The following EFCAB6 variants were observed in gnomAD, a reference collection of about 807,000 sequenced individuals.
EFCAB6 encodes EF-hand calcium-binding domain-containing protein 6.
Under a neutral mutation model 169.8 loss-of-function variants are expected in EFCAB6, and 156 were observed. The ratio of observed to expected loss-of-function variants is 0.92; its 90% CI spans 0.81 to 1.05. The LOEUF (loss-of-function observed/expected upper bound fraction) is 1.05. Among genes scored for constraint, EFCAB6 ranks in the 50% least tolerant of loss-of-function variants. The pLI is 0.00. For missense variants in EFCAB6, 1,800 were observed against 1,829.1 expected (o/e 0.98, Z 0.29); for synonymous variants, 698 against 676.4 (o/e 1.03, Z -0.50).
rs189920237 is a variant in EFCAB6 at position 43,635,221 on chromosome 22, C to T, written c.1984-5G>A. On this transcript the variant is annotated splice_region_variant and splice_polypyrimidine_tract_variant and intron_variant, in intron 17 of 31. Coordinates refer to ENST00000262726, the MANE Select transcript of EFCAB6 (RefSeq NM_022785.4). ...CATCCCAGTGTCTTCCAGTACCTGA[C>T]GAGGGAGACAGGGGAGGGTGGAGAG... 5.2e-5 allele frequency: 84 copies of T among 1,609,852 alleles called. 1 individual carries two copies. Among genetic ancestry groups the T allele is most frequent in the South Asian group, 4.5e-4 (41 of 90,976 alleles).
chr22:43,560,588 T>C (rs1038222939), intron 26 of EFCAB6, among the ~76,000 whole-genome samples: 2 of 152,230 alleles, frequency 1.3e-5, no homozygotes, highest in African/African-American at 2.4e-5. Context: ...GGCTGGGACA[T>C]GGCCCTGGTT....
chr22:43,590,113 C>T lies in EFCAB6; in HGVS notation c.2993G>A (p.Cys998Tyr), dbSNP rs781730092. The change falls in exon 24 of 32, where the codon TGT becomes TAT. Residue 998 changes from cysteine to tyrosine, a missense_variant. Coordinates refer to ENST00000262726, the MANE Select transcript of EFCAB6 (RefSeq NM_022785.4). Reference sequence around the variant, plus strand: ...GGTCAGCTCCCCTTCGGTAAGAGAACATCCACATTCTTCCAGCACTTCCTG... The same window carrying T: ...GGTCAGCTCCCCTTCGGTAAGAGAATATCCACATTCTTCCAGCACTTCCTG... ...KMQEVLEECG[C>Y]SLTEGELTHL... The T allele has an allele frequency of 4.3e-6, 7 of 1,614,052 alleles. No individual in the cohort carries two copies. Among genetic ancestry groups the T allele is most frequent in the Non-Finnish European group, 5.9e-6 (7 of 1,180,022 alleles).
intron 17 of EFCAB6, among the ~76,000 whole-genome samples, chr22:43,660,843 G>A (rs1326860258): frequency 1.3e-5 from 2 of 152,188 alleles, no homozygotes; most frequent in African/African-American, 4.8e-5. Flanking sequence ...CTGATGACAT[G>A]CTGCACTGGC....
chr22:43,528,966 G>A lies in EFCAB6; in HGVS notation c.4393C>T (p.Gln1465Ter). 1 of 1,582,720 alleles carries A rather than the reference G, an allele frequency of 6.3e-7. No homozygotes were observed. Among genetic ancestry groups the A allele is most frequent in the Non-Finnish European group, 8.7e-7 (1 of 1,154,920 alleles). Residue 1465 changes from glutamine (Q) to a stop codon, truncating the protein, a stop_gained, in exon 32 of 32, where the codon CAG becomes TAG. Coordinates refer to ENST00000262726, the MANE Select transcript of EFCAB6 (RefSeq NM_022785.4). LOFTEE classifies it high-confidence loss of function. ...SVADFRTVLR[Q>*]YSINLSEEEF... ...TCCTCAGAGAGGTTGATGCTGTACT[G>A]TCTCAGGACCTGGAAGACAGAGAAA... is the stretch of plus-strand genomic sequence containing the variant.
intron 26 of EFCAB6, among the ~76,000 whole-genome samples, chr22:43,559,527 A>G (rs1271779690): frequency 1.3e-5 from 2 of 152,238 alleles, no homozygotes; most frequent in Non-Finnish European, 2.9e-5. Flanking sequence ...TACCCAAAGG[A>G]TTATAAATGA....
intron 4 of EFCAB6, among the ~76,000 whole-genome samples, chr22:43,771,149 G>A (rs2061456042): frequency 2.0e-5 from 3 of 152,304 alleles, no homozygotes; most frequent in African/African-American, 4.8e-5. Context: ...TAATGAATGA[G>A]GCCAGGCACG....
intron 1 of EFCAB6, among the ~76,000 whole-genome samples, chr22:43,810,391 A>C (rs2063072056): frequency 6.6e-6 from 1 of 152,238 alleles, no homozygotes; most frequent in Non-Finnish European, 1.5e-5. Flanking sequence ...AATAGCAGTG[A>C]AAGATCAAAA....
chr22:43,806,347 C>G (rs1488107738), intron 2 of EFCAB6, among the ~76,000 whole-genome samples: 1 of 151,728 alleles, frequency 6.6e-6, no homozygotes, highest in Non-Finnish European at 1.5e-5. Flanking sequence ...CTTCAGGGCT[C>G]AAGTGATCCT....
chr22:43,680,154 C>T (rs1173897355), intron 12 of EFCAB6, among the ~76,000 whole-genome samples: 1 of 152,124 alleles, frequency 6.6e-6, no homozygotes, highest in African/African-American at 2.4e-5. Flanking sequence ...AGGTAAGGGA[C>T]TGAATTCATC....
intron 4 of EFCAB6, among the ~76,000 whole-genome samples, chr22:43,771,617 G>GACTCCT (rs2061473888): frequency 6.6e-6 from 1 of 151,974 alleles, no homozygotes; most frequent in African/African-American, 2.4e-5. Context: ...GAAAGGGTTT[G>GACTCCT]ACTCCTACTG....
At chr22:43,573,053 C>T (rs772324649) in intron 26 of EFCAB6, among the ~76,000 whole-genome samples, 6 of 152,194 alleles carry the variant, frequency 3.9e-5, no homozygotes, top group South Asian at 4.1e-4. Flanking sequence ...GTGAGGCCAG[C>T]GGAGCTGGAA....
At chr22:43,665,008 A>G (rs903395143) in intron 17 of EFCAB6, among the ~76,000 whole-genome samples, 1 of 152,186 alleles carries the variant, frequency 6.6e-6, no homozygotes, top group African/African-American at 2.4e-5. Flanking sequence ...GGGAGCCAAC[A>G]GGCTTTGTTG....
chr22:43,780,966 G>A (rs773152684), intron 3 of EFCAB6, among the ~76,000 whole-genome samples: 118 of 152,288 alleles, frequency 7.7e-4, no homozygotes, highest in Middle Eastern at 3.4e-3. Flanking sequence ...TTGTAAGTGC[G>A]TCTTACGGCA....
At chr22:43,788,149 A>T (rs1330438206) in intron 2 of EFCAB6, among the ~76,000 whole-genome samples, 2 of 152,230 alleles carry the variant, frequency 1.3e-5, no homozygotes, top group Non-Finnish European at 2.9e-5. Context: ...CATAGGTATA[A>T]ATCTTTGTGA....
rs375600118 is a variant in EFCAB6 at position 43,782,201 on chromosome 22, T to C, written c.118A>G (p.Asn40Asp). The part of the protein sequence containing the change: ...CRVYSRNGSP[N>D]KFRSSSTTAV... ...TTACTTGAAGAAGATCTGAACTTAT[T>C]TGGGGAACCATTCCTTGAATATACT... is the stretch of plus-strand genomic sequence containing the variant. Residue 40 changes from asparagine to aspartate, a missense_variant, in exon 3 of 32, where the codon AAT (asparagine) becomes GAT (aspartate). By Grantham distance (23) the Asn-to-Asp change is conservative. Transcript: ENST00000262726. The C allele has an allele frequency of 2.5e-6, 4 of 1,612,318 alleles. No individual in the cohort carries two copies. In the South Asian group the frequency reaches 4.4e-5, roughly 18 times the overall value.
chr22:43,635,947 T>C (rs2055359157), intron 17 of EFCAB6, among the ~76,000 whole-genome samples: 1 of 152,138 alleles, frequency 6.6e-6, no homozygotes, highest in Non-Finnish European at 1.5e-5. Flanking sequence ...GCTGCCTGCG[T>C]GGATGTGAGC....
At chr22:43,588,077 A>C (rs1241774247) in intron 24 of EFCAB6, among the ~76,000 whole-genome samples, 1 of 152,208 alleles carries the variant, frequency 6.6e-6, no homozygotes, top group Non-Finnish European at 1.5e-5. Flanking sequence ...TGGCAAGTCT[A>C]TTCTCTGGTA....
At chr22:43,529,298 C>T (rs1400807776) in intron 31 of EFCAB6, among the ~76,000 whole-genome samples, 1 of 152,176 alleles carries the variant, frequency 6.6e-6, no homozygotes, top group Non-Finnish European at 1.5e-5. Flanking sequence ...CAAGGGGAGA[C>T]CTGGCCATGC....
At chr22:43,760,215 AAAAAG>A (rs1569475476) in intron 5 of EFCAB6, among the ~76,000 whole-genome samples, 18 of 93,636 alleles carry the variant, frequency 1.9e-4, no homozygotes, top group East Asian at 1.3e-3. Flanking sequence ...AAAAAAAAAA[AAAAAG>A]AAAAAAGAAA....
Sources: gnomAD v4.1 joint callset for allele counts (sites outside exome capture counted in the v4.1 genomes callset) on GRCh38, gnomAD v4.1.1 for gene constraint, MANE v1.5 for transcripts, NCBI Gene and HGNC (gene_info 2026-07-23, HGNC 2026-07-21) for gene names.